The following HECW1 variants were observed in gnomAD, a reference collection of about 807,000 sequenced individuals.
HECW1 encodes the protein E3 ubiquitin-protein ligase HECW1.
Under a neutral mutation model 182.3 loss-of-function variants are expected in HECW1, and 61 were observed. That is an observed-to-expected ratio of 0.33 (90% CI 0.27 to 0.41). The LOEUF (loss-of-function observed/expected upper bound fraction) is 0.41. Ranked by LOEUF, HECW1 falls within the 10% of genes least tolerant of loss-of-function variation. The pLI, the probability that HECW1 is intolerant of heterozygous loss-of-function variation, is 1.00. For missense variants in HECW1, 1,739 were observed against 2,108.9 expected, an observed-to-expected ratio of 0.82 and a Z score of 3.44; for synonymous variants, 859 against 832.6, an observed-to-expected ratio of 1.03 and a Z score of -0.55.
intron 21 of HECW1, among the ~76,000 whole-genome samples, chr7:43,502,847 A>G (rs2079420302): frequency 6.6e-6 from 1 of 152,202 alleles, no homozygotes; most frequent in South Asian, 2.1e-4. Context: ...ATGTAGGAAC[A>G]TCCTATCTCA....
chr7:43,233,486 G>A (rs372174722), intron 2 of HECW1, among the ~76,000 whole-genome samples: 34 of 152,162 alleles, frequency 2.2e-4, no homozygotes, highest in African/African-American at 8.0e-4. Flanking sequence ...ATATGTAATT[G>A]GAAAAGGTGG....
intron 8 of HECW1, among the ~76,000 whole-genome samples, chr7:43,408,697 G>C (rs1467784101): frequency 6.6e-6 from 1 of 151,816 alleles, no homozygotes; most frequent in Non-Finnish European, 1.5e-5. Context: ...AAAAAAGAAA[G>C]AAAAAAGAAA....
At chr7:43,385,408 T>A (rs370001018) in intron 6 of HECW1, among the ~76,000 whole-genome samples, 36 of 150,556 alleles carry the variant, frequency 2.4e-4, no homozygotes, top group African/African-American at 8.3e-4. Context: ...GCCCTCTAAT[T>A]TTGTGATTCA....
intron 15 of HECW1, among the ~76,000 whole-genome samples, chr7:43,467,141 G>A (rs554911400): frequency 6.6e-6 from 1 of 152,046 alleles, no homozygotes; most frequent in Non-Finnish European, 1.5e-5. Context: ...TCAGATCTAG[G>A]TGCTGGAGTC....
intron 4 of HECW1, among the ~76,000 whole-genome samples, chr7:43,316,368 A>G (rs1183127244): frequency 6.6e-6 from 1 of 152,324 alleles, no homozygotes; most frequent in East Asian, 1.9e-4. Flanking sequence ...GGTTTTACAT[A>G]GTAAGTGTCA....
chr7:43,433,108 G>C (rs1414505553), intron 8 of HECW1, among the ~76,000 whole-genome samples: 1 of 152,244 alleles, frequency 6.6e-6, no homozygotes, highest in South Asian at 2.1e-4. Context: ...ATCTAGGGGA[G>C]TGTCACTGGC....
intron 2 of HECW1, among the ~76,000 whole-genome samples, chr7:43,231,141 A>T (rs1302633475): frequency 4.6e-5 from 7 of 152,230 alleles, no homozygotes; most frequent in Middle Eastern, 3.2e-3. Flanking sequence ...AGAAACTAAC[A>T]TTTAGAGAGG....
At chr7:43,308,645 G>C (rs1472925089) in intron 3 of HECW1, among the ~76,000 whole-genome samples, 1 of 144,014 alleles carries the variant, frequency 6.9e-6, no homozygotes, top group Admixed American at 7.0e-5. Flanking sequence ...TTTTTTTTGA[G>C]ACGGGGTCTC....
chr7:43,426,055 G>A (rs574095905), intron 8 of HECW1, among the ~76,000 whole-genome samples: 1 of 152,258 alleles, frequency 6.6e-6, no homozygotes, highest in South Asian at 2.1e-4. Context: ...AGGAGAGACA[G>A]AGTCAAAATT....
intron 3 of HECW1, among the ~76,000 whole-genome samples, chr7:43,250,418 G>A (rs999518151): frequency 6.6e-6 from 1 of 152,156 alleles, no homozygotes; most frequent in Non-Finnish European, 1.5e-5. Context: ...GTCAAAAAAT[G>A]AGAGATACAG....
intron 2 of HECW1, among the ~76,000 whole-genome samples, chr7:43,135,217 G>T (rs1052881460): frequency 4.6e-5 from 7 of 152,100 alleles, no homozygotes; most frequent in Non-Finnish European, 1.0e-4. Context: ...CAGGGAGGGG[G>T]TAGTCATATG....
At chr7:43,517,961 A>G (rs1020325646) in intron 24 of HECW1, among the ~76,000 whole-genome samples, 1 of 152,206 alleles carries the variant, frequency 6.6e-6, no homozygotes, top group African/African-American at 2.4e-5. Context: ...AGAATTAACT[A>G]TTTAGTTAAT....
chr7:43,263,290 A>G (rs1045558865), intron 3 of HECW1, among the ~76,000 whole-genome samples: 5 of 152,220 alleles, frequency 3.3e-5, no homozygotes, highest in African/African-American at 1.2e-4. Flanking sequence ...AAAGAAAATT[A>G]CAAATATTCC....
chr7:43,292,796 T>G (rs980836935), intron 3 of HECW1, among the ~76,000 whole-genome samples: 4 of 152,138 alleles, frequency 2.6e-5, no homozygotes, highest in Non-Finnish European at 5.9e-5. Flanking sequence ...CCTATGATAG[T>G]ACAAGGCAAA....
chr7:43,261,288 A>G (rs17723413), intron 3 of HECW1, among the ~76,000 whole-genome samples: 4,996 of 152,314 alleles, frequency 0.033, 151 homozygotes, highest in East Asian at 0.17. Flanking sequence ...CCCCTTAAAC[A>G]GGAGCCTTAT....
At chr7:43,466,379 A>C in intron 14 of HECW1, 68 bp from the exon 15 acceptor site, 1 of 1,537,844 alleles carries the variant, frequency 6.5e-7, no homozygotes. Context: ...CACTGTCAGG[A>C]GCGAAGTACA....
At chr7:43,316,425 A>C (rs980406511) in intron 4 of HECW1, among the ~76,000 whole-genome samples, 48 of 152,202 alleles carry the variant, frequency 3.2e-4, no homozygotes, top group Admixed American at 1.2e-3. Context: ...GATTCTAAGC[A>C]GAAATAGCTG....
intron 17 of HECW1, among the ~76,000 whole-genome samples, chr7:43,489,359 ATATT>A (rs150151081): frequency 1.1e-4 from 16 of 152,308 alleles, no homozygotes; most frequent in African/African-American, 3.6e-4. Context: ...AAGCCTTTAC[ATATT>A]TATTTATTTA....
chr7:43,181,067 T>TTTTTTTTTTTTTTTTTTTTGAGACGG (rs1562640505), intron 2 of HECW1, among the ~76,000 whole-genome samples: 1 of 151,380 alleles, frequency 6.6e-6, no homozygotes, highest in African/African-American at 2.5e-5. Context: ...ATCAACTTTT[T>TTTTTTTTTTTTTTTTTTTTGAGACGG]AAGATTCCAC....
Sources: gnomAD v4.1 joint callset for allele counts (sites outside exome capture counted in the v4.1 genomes callset) on GRCh38, gnomAD v4.1.1 for gene constraint, MANE v1.5 for transcripts, NCBI Gene and HGNC (gene_info 2026-07-23, HGNC 2026-07-21) for gene names.